Variants in CDK12 observed in about 807,000 individuals in gnomAD.
The protein encoded by CDK12 is cyclin dependent kinase 12.
CDK12 carries 17 observed loss-of-function variants against 133.8 expected under a neutral mutation model. That is an observed-to-expected ratio of 0.13 (90% CI 0.09 to 0.19). CDK12 has a LOEUF of 0.19. CDK12 is among the 10% of genes least tolerant of loss of function. CDK12 has a pLI of 1.00. For synonymous variants in CDK12, 694 were observed against 683.6 expected (o/e 1.02, Z -0.24); for missense variants, 1,508 against 1,818.7 (o/e 0.83, Z 3.11).
chr17:39,487,592 G>T (rs1473149276), intron 2 of CDK12, among the ~76,000 whole-genome samples: 2 of 149,486 alleles, frequency 1.3e-5, no homozygotes, highest in Admixed American at 1.3e-4. Flanking sequence ...TTTTTCTGAG[G>T]ATGTGCATGA....
At position 39,531,167 on chromosome 17, in the gene CDK12, G is replaced by A. The variant is rs2146848276; in HGVS notation, c.4324G>A (p.Glu1442Lys). Reference sequence around the variant, plus strand: ...AGAGACCAAATTGCAAAACTATGGGGAGCTGGGGCCAGGAACCACTGGGGC... The same window carrying A: ...AGAGACCAAATTGCAAAACTATGGGAAGCTGGGGCCAGGAACCACTGGGGC... ...HAETKLQNYG[E>K]LGPGTTGASS... The change falls in exon 14 of 14, where the codon GAG becomes AAG. Residue 1442 changes from glutamate to lysine, a missense_variant. Coordinates refer to ENST00000447079, the MANE Select transcript of CDK12 (RefSeq NM_016507.4). 1 of 1,525,932 alleles carries A rather than the reference G, an allele frequency of 6.6e-7. No homozygotes were observed. The highest frequency in any genetic ancestry group is 8.8e-7 in the Non-Finnish European group (1 of 1,138,222). The allele number at this position is 1,525,932 out of a possible 1,614,324, so 94.5% of individuals were successfully genotyped here.
intron 2 of CDK12, among the ~76,000 whole-genome samples, chr17:39,481,253 C>T (rs1249469337): frequency 5.0e-5 from 3 of 59,654 alleles, no homozygotes; most frequent in East Asian, 4.8e-4. Flanking sequence ...AACTCCGTCT[C>T]AAAAAAAAAA....
chr17:39,461,665 C>T lies in CDK12; in HGVS notation c.-407C>T, dbSNP rs913978833. 1 of 286,008 alleles carries T rather than the reference C, an allele frequency of 3.5e-6. No homozygotes were observed. Among genetic ancestry groups the T allele is most frequent in the Non-Finnish European group, 6.7e-6 (1 of 149,138 alleles). 17.7% of individuals were successfully genotyped at this position (286,008 alleles called of 1,614,324 possible). ...CAGGAAGCCGTCCTGAACCGGGCTA[C>T]CGGGTAGGGGAAGGGCCCGCGTAGT... On this transcript the variant is annotated 5_prime_UTR_variant, in exon 1 of 14. Coordinates refer to ENST00000447079, the MANE Select transcript of CDK12 (RefSeq NM_016507.4).
chr17:39,548,598 C>T (rs957840285), upstream of CDK12, among the ~76,000 whole-genome samples: 4 of 152,180 alleles, frequency 2.6e-5, no homozygotes, highest in Non-Finnish European at 5.9e-5. Flanking sequence ...CAGCACAAAC[C>T]TATAGAATTC....
Position 39,476,711 on chromosome 17 carries a change from C to CTTTTTTTTTTTTTTTTTTTTTTTTTTTTT in CDK12, c.1931+4949_1931+4977dup, listed in dbSNP as rs879840168. 7.1e-5 allele frequency among the ~76,000 whole-genome samples: 6 copies of CTTTTTTTTTTTTTTTTTTTTTTTTTTTTT among 84,524 alleles called. 1 individual carries two copies. The highest frequency in any genetic ancestry group is 3.8e-4 in the East Asian group (1 of 2,660). 55.5% of individuals were successfully genotyped at this position (84,524 alleles called of 152,430 possible). On this transcript the variant is annotated intron_variant, in intron 2 of 13. Transcript: ENST00000447079. The stretch of plus-strand genomic sequence containing the variant: ...TACAGGCATGAGCCACCATGCCTGC[C>CTTTTTTTTTTTTTTTTTTTTTTTTTTTTT]TTTTTTTTTTTTTTTTTTTTTTTTT...
Position 39,477,693 on chromosome 17 carries a change from C to T in CDK12, c.1931+5930C>T, listed in dbSNP as rs939021821. Among the ~76,000 whole-genome samples, 85 of 151,806 alleles carry T rather than the reference C, an allele frequency of 5.6e-4. 1 individual carries two copies. The highest frequency in any genetic ancestry group is 2.0e-3 in the African/African-American group (83 of 41,304). On this transcript the variant is annotated intron_variant, in intron 2 of 13. Transcript: ENST00000447079. ...GTCCACGCTATTCTTCTGCCTCAGC[C>T]TCCCGAGTAGCTGGGACTACAGGCG...
At chr17:39,502,442 C>T (rs1452389409) in intron 6 of CDK12, among the ~76,000 whole-genome samples, 2 of 152,144 alleles carry the variant, frequency 1.3e-5, no homozygotes, top group Non-Finnish European at 2.9e-5. Context: ...CGTGAGCCAC[C>T]ACGCCTGGCC....
Position 39,461,890 on chromosome 17 carries a change from C to T in CDK12, c.-182C>T, listed in dbSNP as rs2048983920. On this transcript the variant is annotated 5_prime_UTR_variant, in exon 1 of 14. Transcript: ENST00000447079. ...CTTCCCTCGCTCCTTCACCCCCCAC[C>T]TCATGTAGAAGGGTGCTGAGGCGTC... 1.7e-6 allele frequency: 1 copy of T among 602,326 alleles called. No homozygotes were observed. Among genetic ancestry groups the T allele is most frequent in the Admixed American group, 3.0e-5 (1 of 33,782 alleles). 37.3% of individuals were successfully genotyped at this position (602,326 alleles called of 1,614,324 possible).
At chr17:39,486,231 C>T (rs1432733570) in intron 2 of CDK12, among the ~76,000 whole-genome samples, 2 of 146,456 alleles carry the variant, frequency 1.4e-5, no homozygotes, top group Non-Finnish European at 3.0e-5. Flanking sequence ...GGATTACAGA[C>T]ATGAGCCACT....
intron 1 of CDK12, 95 bp from the exon 2 acceptor site, chr17:39,470,784 T>C (rs1198995611): frequency 5.7e-6 from 6 of 1,054,656 alleles, no homozygotes; most frequent in South Asian, 5.2e-5. Flanking sequence ...TTACAATTGA[T>C]AAGTTACAGT....
intron 1 of CDK12, among the ~76,000 whole-genome samples, chr17:39,466,355 C>G (rs2049307451): frequency 6.7e-6 from 1 of 150,342 alleles, no homozygotes; most frequent in African/African-American, 2.4e-5. Context: ...TGGATCACGC[C>G]TGTAATCCTA....
At chr17:39,527,460 A>G (rs2054563241) in intron 13 of CDK12, among the ~76,000 whole-genome samples, 1 of 152,212 alleles carries the variant, frequency 6.6e-6, no homozygotes, top group East Asian at 1.9e-4. Context: ...GTGACAGCCT[A>G]TTAATTGGGC....
upstream of CDK12, among the ~76,000 whole-genome samples, chr17:39,545,941 G>GC (rs2055673547): frequency 6.7e-6 from 1 of 149,954 alleles, no homozygotes; most frequent in African/African-American, 2.5e-5. Context: ...AACTACAGGC[G>GC]CCCGCCACCA....
chr17:39,504,025 C>T (rs1485238340), intron 6 of CDK12, among the ~76,000 whole-genome samples: 1 of 152,118 alleles, frequency 6.6e-6, no homozygotes, highest in East Asian at 1.9e-4. Flanking sequence ...ACCCAGACAC[C>T]ACTAGTAGGG....
At chr17:39,555,828 TACACACAC>T (rs60227908) in intron 2 of CDK12, among the ~76,000 whole-genome samples, 25,582 of 108,336 alleles carry the variant, frequency 0.24, 3,385 homozygotes, top group Admixed American at 0.27. Flanking sequence ...ACCTCATCTC[TACACACAC>T]ACACACACAC....
intron 2 of CDK12, among the ~76,000 whole-genome samples, chr17:39,484,514 G>A (rs1365416386): frequency 6.6e-6 from 1 of 152,086 alleles, no homozygotes; most frequent in Non-Finnish European, 1.5e-5. Flanking sequence ...GTTAAGCATT[G>A]TAGTTTTGAG....
downstream of CDK12, among the ~76,000 whole-genome samples, chr17:39,535,547 T>TA (rs944496303): frequency 3.9e-5 from 6 of 152,192 alleles, no homozygotes; most frequent in African/African-American, 1.4e-4. Flanking sequence ...TACTAGAAAA[T>TA]ACTGTTTTCA....
At chr17:39,481,010 T>C (rs1248203780) in intron 2 of CDK12, among the ~76,000 whole-genome samples, 1 of 152,036 alleles carries the variant, frequency 6.6e-6, no homozygotes, top group East Asian at 1.9e-4. Context: ...TCCCAGCACT[T>C]TGGGAGGCCG....
intron 5 of CDK12, among the ~76,000 whole-genome samples, chr17:39,500,732 CT>C (rs59002312): frequency 0.63 from 92,867 of 147,770 alleles, 31,535 homozygotes; most frequent in South Asian, 0.89. Flanking sequence ...AGATTAATTC[CT>C]TTTTTTTTTT....
Sources: allele counts gnomAD v4.1 joint callset (sites outside exome capture counted in the v4.1 genomes callset), GRCh38; gene constraint gnomAD v4.1.1; transcripts MANE v1.5; gene names NCBI Gene and HGNC (gene_info 2026-07-23, HGNC 2026-07-21).